ZNF280C: variants seen among roughly 807,000 people sequenced by gnomAD.
ZNF280C encodes suppressor of hairy wing homolog 3.
ZNF280C carries 14 observed loss-of-function variants against 53.6 expected under a neutral mutation model. The ratio of observed to expected loss-of-function variants is 0.26; its 90% CI spans 0.17 to 0.41. The LOEUF (loss-of-function observed/expected upper bound fraction) is 0.41. Ranked by LOEUF, ZNF280C falls within the 10% of genes least tolerant of loss-of-function variation. The pLI is 1.00. For missense variants in ZNF280C, 416 were observed against 547.1 expected (o/e 0.76, Z 2.39); for synonymous variants, 203 against 181.1 (o/e 1.12, Z -0.97).
At chrX:130,252,711 T>A (rs753613404) in intron 2 of ZNF280C, among the ~76,000 whole-genome samples, 1 of 69,106 alleles carries the variant, frequency 1.4e-5, no homozygotes, top group South Asian at 9.9e-4. Context: ...AGAGTGAGAC[T>A]CCGTCTCAAA....
At chrX:130,252,941 G>C (rs913942986) in intron 2 of ZNF280C, among the ~76,000 whole-genome samples, 3 of 111,384 alleles carry the variant, frequency 2.7e-5, no homozygotes, top group African/African-American at 9.8e-5. Flanking sequence ...GAAAGAAATA[G>C]ACGGCATCCA....
In ZNF280C at chrX:130,230,730, G is replaced by A. The variant is rs1569435411; in HGVS notation, c.772-3C>T. The A allele has an allele frequency of 2.6e-6, 3 of 1,147,464 alleles. No individual in the cohort carries two copies. The highest frequency in any genetic ancestry group is 2.4e-5 in the Admixed American group (1 of 41,971). 94.6% of individuals were successfully genotyped at this position (1,147,464 alleles called of 1,213,427 possible). ...GTTATCATGTCTGGACAACAATGCTGAAAGAGGAAAAAAATATGAGCCTTG... is the reference window on the plus strand; with the variant it reads ...GTTATCATGTCTGGACAACAATGCTAAAAGAGGAAAAAAATATGAGCCTTG... On this transcript the variant is annotated splice_polypyrimidine_tract_variant and splice_region_variant and intron_variant, in intron 8 of 18. Transcript: ENST00000370978.
chrX:130,236,679 T>C, intron 6 of ZNF280C, 40 bp from the exon 7 acceptor site: 1 of 1,000,491 alleles, frequency 1.0e-6, no homozygotes, highest in Non-Finnish European at 1.4e-6. Flanking sequence ...TTTGTAAATA[T>C]TTCAGTATGG....
intron 9 of ZNF280C, among the ~76,000 whole-genome samples, chrX:130,230,309 C>T (rs1286263534): frequency 1.8e-5 from 2 of 111,178 alleles, no homozygotes; most frequent in African/African-American, 6.5e-5. Flanking sequence ...TATCTGAAAA[C>T]AAAACAACTA....
chrX:130,218,164 AAAAC>A (rs780791647), intron 13 of ZNF280C, among the ~76,000 whole-genome samples: 2 of 112,004 alleles, frequency 1.8e-5, no homozygotes, highest in African/African-American at 3.2e-5. Context: ...CCCCGTCTCA[AAAAC>A]AAACAAACAA....
chrX:130,233,376 G>T (rs1161180117), intron 8 of ZNF280C, among the ~76,000 whole-genome samples: 1 of 111,353 alleles, frequency 9.0e-6, no homozygotes, highest in East Asian at 2.8e-4. Flanking sequence ...CAGCACTTTG[G>T]GAGGCCAAGG....
chrX:130,233,538 C>T (rs2032299590), intron 8 of ZNF280C, among the ~76,000 whole-genome samples: 1 of 107,004 alleles, frequency 9.3e-6, no homozygotes, highest in Non-Finnish European at 1.9e-5. Context: ...ATTGCTTGAA[C>T]CCGGGAGGTG....
intron 17 of ZNF280C, 45 bp from the exon 18 acceptor site, chrX:130,205,198 G>C: frequency 8.8e-6 from 10 of 1,136,857 alleles, no homozygotes; most frequent in Non-Finnish European, 1.1e-5. Context: ...TATATGAAGA[G>C]TGAGACTATC....
At chrX:130,268,516 C>A (rs1344104432) in intron 1 of ZNF280C, among the ~76,000 whole-genome samples, 1 of 111,905 alleles carries the variant, frequency 8.9e-6, no homozygotes, top group African/African-American at 3.2e-5. Context: ...AACCACTGCC[C>A]GCCGCGGGCC....
chrX:130,227,227 T>A (rs1466676375), intron 11 of ZNF280C, among the ~76,000 whole-genome samples: 3 of 112,061 alleles, frequency 2.7e-5, no homozygotes, highest in Non-Finnish European at 5.6e-5. Flanking sequence ...AAACAGAGTA[T>A]TCTCTTCTTT....
intron 8 of ZNF280C, among the ~76,000 whole-genome samples, chrX:130,234,821 T>C (rs1213337844): frequency 1.8e-5 from 2 of 111,953 alleles, no homozygotes; most frequent in Non-Finnish European, 3.8e-5. Context: ...CTGTGAAAAT[T>C]ACCTAAAACC....
In ZNF280C at chrX:130,235,171, C is replaced by T. The variant is rs1239278238; in HGVS notation, c.771+1043G>A. Among the ~76,000 whole-genome samples, 13 of 112,387 alleles carry T rather than the reference C, an allele frequency of 1.2e-4. No homozygotes were observed. The Admixed American group carries it at 1.2e-3, about 11-fold the overall frequency. On this transcript the variant is annotated intron_variant, in intron 8 of 18. Transcript: ENST00000370978. Reference sequence around the variant, plus strand: ...GCTTTACAGGAAGTTTGAAGAATGTCATAATTTAGTCAATAAAATATTGCA... The same window carrying T: ...GCTTTACAGGAAGTTTGAAGAATGTTATAATTTAGTCAATAAAATATTGCA...
In ZNF280C at chrX:130,244,797, AAAAG is replaced by A. The variant is rs1298421425; in HGVS notation, c.179-936_179-933del. Among the ~76,000 whole-genome samples the A allele has an allele frequency of 4.5e-3, 413 of 91,856 alleles. 1 individual carries two copies. Among genetic ancestry groups the A allele is most frequent in the African/African-American group, 0.016 (355 of 22,071 alleles). 79.8% of individuals were successfully genotyped at this position (91,856 alleles called of 115,157 possible). On this transcript the variant is annotated intron_variant, in intron 3 of 18. Transcript: ENST00000370978. ...CATCTTAAAAAAAAAAAAAAAAAAA[AAAAG>A]AGAGAAAAGAATCAGATCTCACAAA...
At chrX:130,249,119 TCTGC>T (rs1462990888) in intron 2 of ZNF280C, among the ~76,000 whole-genome samples, 1 of 110,651 alleles carries the variant, frequency 9.0e-6, no homozygotes, top group Non-Finnish European at 1.9e-5. Flanking sequence ...AGCGGCCATC[TCTGC>T]CTGTATCAAC....
At chrX:130,226,407 C>G (rs955656936) in intron 12 of ZNF280C, among the ~76,000 whole-genome samples, 1 of 111,693 alleles carries the variant, frequency 9.0e-6, no homozygotes, top group Non-Finnish European at 1.9e-5. Context: ...AAGTCATTCC[C>G]AGTCCCACCA....
chrX:130,240,471 G>GT (rs776380016), intron 5 of ZNF280C, among the ~76,000 whole-genome samples: 1 of 111,815 alleles, frequency 8.9e-6, no homozygotes, highest in African/African-American at 3.2e-5. Flanking sequence ...AGATGATTAG[G>GT]TTTTAGACTA....
At chrX:130,239,837 G>C (rs1247150838) in intron 5 of ZNF280C, 144 bp from the exon 6 acceptor site, 4 of 353,736 alleles carry the variant, frequency 1.1e-5, no homozygotes, top group Non-Finnish European at 1.5e-5. Flanking sequence ...GCCAAAATTA[G>C]CATCTACTGG....
chrX:130,219,310 A>G (rs919477251), intron 13 of ZNF280C, among the ~76,000 whole-genome samples: 2 of 109,784 alleles, frequency 1.8e-5, no homozygotes, highest in African/African-American at 6.6e-5. Context: ...TGTTGGCGAA[A>G]CCCAGTCTCT....
chrX:130,222,371 CT>C (rs2032177085), intron 12 of ZNF280C, among the ~76,000 whole-genome samples: 1 of 105,359 alleles, frequency 9.5e-6, no homozygotes, highest in South Asian at 4.5e-4. Flanking sequence ...GAGTACAAAC[CT>C]TGCTTTGCTT....
Sources: allele counts gnomAD v4.1 joint callset (sites outside exome capture counted in the v4.1 genomes callset), GRCh38; gene constraint gnomAD v4.1.1; transcripts MANE v1.5; gene names NCBI Gene and HGNC (gene_info 2026-07-23, HGNC 2026-07-21).